Variants in RRP15 observed in about 807,000 individuals in gnomAD.
The protein encoded by RRP15 is ribosomal RNA processing 15 homolog.
In RRP15, 18 loss-of-function variants were observed where a neutral mutation model predicts 27.1. The ratio of observed to expected loss-of-function variants is 0.66; its 90% CI spans 0.46 to 0.98. The LOEUF is 0.98. Among genes scored for constraint, RRP15 ranks in the 50% least tolerant of loss-of-function variants. RRP15 has a pLI of 0.00. For missense variants in RRP15, 359 were observed against 337.8 expected, an observed-to-expected ratio of 1.06 and a Z score of -0.49; for synonymous variants, 107 against 109.4, an observed-to-expected ratio of 0.98 and a Z score of 0.14.
Position 218,302,402 on chromosome 1 carries a change from A to G in RRP15, c.248A>G (p.Glu83Gly). The change falls in exon 2 of 5, where the codon GAA becomes GGA. Residue 83 changes from glutamate to glycine, a missense_variant. Glu to Gly is a moderately conservative substitution (Grantham distance 98). Coordinates refer to ENST00000366932, the MANE Select transcript of RRP15 (RefSeq NM_016052.4). Reference protein sequence around the residue: ...PCDKENENDGESSVGTNMGWA... With the variant: ...PCDKENENDGGSSVGTNMGWA... ...GACAAAGAAAATGAAAATGATGGAGAATCAAGTGTTGGGACTAATATGGGC... is the reference window on the plus strand; with the variant it reads ...GACAAAGAAAATGAAAATGATGGAGGATCAAGTGTTGGGACTAATATGGGC... The G allele has an allele frequency of 6.2e-7, 1 of 1,614,066 alleles. No individual in the cohort carries two copies. Among genetic ancestry groups the G allele is most frequent in the South Asian group, 1.1e-5 (1 of 91,070 alleles).
At chr1:218,320,797 A>AACTACAAT (rs1656176048) in intron 4 of RRP15, among the ~76,000 whole-genome samples, 2 of 152,188 alleles carry the variant, frequency 1.3e-5, no homozygotes, top group Non-Finnish European at 2.9e-5. Flanking sequence ...TCCATAAAGT[A>AACTACAAT]TGTTTTTAAC....
At chr1:218,285,526 G>T in intron 1 of RRP15, 71 bp downstream of exon 1, 1 of 1,594,866 alleles carries the variant, frequency 6.3e-7, no homozygotes, top group Non-Finnish European at 8.5e-7. Context: ...AGCAGCGCTT[G>T]CGACTTCATT....
intron 4 of RRP15, among the ~76,000 whole-genome samples, chr1:218,326,269 G>T (rs1301708307): frequency 6.6e-6 from 1 of 152,192 alleles, no homozygotes; most frequent in Non-Finnish European, 1.5e-5. Flanking sequence ...ATGCACCATT[G>T]CACTCCAGCC....
At chr1:218,295,136 C>T (rs572598865) in intron 1 of RRP15, among the ~76,000 whole-genome samples, 8 of 152,264 alleles carry the variant, frequency 5.3e-5, no homozygotes, top group South Asian at 2.1e-4. Context: ...GAAAAACAGT[C>T]TTCCTAGTCA....
At chr1:218,294,013 T>C (rs1195141198) in intron 1 of RRP15, among the ~76,000 whole-genome samples, 3 of 152,130 alleles carry the variant, frequency 2.0e-5, no homozygotes, top group Non-Finnish European at 4.4e-5. Flanking sequence ...ATGACTAAGA[T>C]TGAATTTTTG....
intron 4 of RRP15, among the ~76,000 whole-genome samples, chr1:218,323,753 GGAGGGGGCC>G (rs1480006950): frequency 2.6e-5 from 4 of 152,182 alleles, no homozygotes; most frequent in Non-Finnish European, 4.4e-5. Context: ...CCCAAAGTCC[GGAGGGGGCC>G]AAGGGGGCAG....
In RRP15 at chr1:218,305,085, G is replaced by A. The variant is rs1305743910; in HGVS notation, c.463G>A (p.Asp155Asn). The change falls in exon 3 of 5, where the codon GAC becomes AAC. Residue 155 changes from aspartate (D) to asparagine (N), a missense_variant. Transcript: ENST00000366932. ...MCRVKPDVVQ[D>N]KETERNLQRI... ...CAGAGTAAAGCCAGATGTTGTCCAA[G>A]ACAAAGAGACAGAGAGAAATCTTCA... The A allele has an allele frequency of 1.2e-6, 2 of 1,613,772 alleles. No homozygotes were observed. Among genetic ancestry groups the A allele is most frequent in the African/African-American group, 2.7e-5 (2 of 74,904 alleles).
intron 4 of RRP15, among the ~76,000 whole-genome samples, chr1:218,315,437 G>C (rs185193165): frequency 6.6e-6 from 1 of 151,768 alleles, no homozygotes; most frequent in African/African-American, 2.4e-5. Flanking sequence ...ATTTACTTTT[G>C]GTTTTTCTAA....
At chr1:218,318,015 G>A (rs1034554173) in intron 4 of RRP15, among the ~76,000 whole-genome samples, 5 of 151,906 alleles carry the variant, frequency 3.3e-5, no homozygotes, top group African/African-American at 7.3e-5. Context: ...GATTACAGGC[G>A]TGAACTCCCA....
At chr1:218,298,423 C>T (rs1655756406) in intron 1 of RRP15, among the ~76,000 whole-genome samples, 1 of 152,064 alleles carries the variant, frequency 6.6e-6, no homozygotes, top group African/African-American at 2.4e-5. Flanking sequence ...GGAGAGAAAC[C>T]TAGATTTAGA....
In RRP15 at chr1:218,336,842, A is replaced by T. The variant is rs571045482; in HGVS notation, c.*5751A>T. On this transcript the variant is annotated 3_prime_UTR_variant, in exon 5 of 5. Transcript: ENST00000366932. ...ACAAATGCCAGGAACACCAGGGTAG[A>T]TTGCATGAGACATGACTGCCGTATC... The T allele has an allele frequency of 6.6e-6, 1 of 152,340 alleles. No homozygotes were observed. The highest frequency in any genetic ancestry group is 1.9e-4 in the East Asian group (1 of 5,184). 9.4% of individuals were successfully genotyped at this position (152,340 alleles called of 1,614,324 possible). A position where few individuals can be genotyped will look rare whatever the true frequency, so the allele number is the denominator to read the frequency against.
chr1:218,288,842 A>G (rs1026634828), intron 1 of RRP15, among the ~76,000 whole-genome samples: 1 of 152,188 alleles, frequency 6.6e-6, no homozygotes, highest in South Asian at 2.1e-4. Flanking sequence ...AGCACTTCCA[A>G]TGTTTATAAC....
chr1:218,331,193 C>A lies in RRP15; in HGVS notation c.*102C>A. ...ATAAGGATACCATTTGTAAGAAAGC[C>A]AAAAGACTTTTGCCAGATTTCATAT... On this transcript the variant is annotated 3_prime_UTR_variant, in exon 5 of 5. Coordinates refer to ENST00000366932, the MANE Select transcript of RRP15 (RefSeq NM_016052.4). 8.8e-7 allele frequency: 1 copy of A among 1,132,288 alleles called. No homozygotes were observed. Among genetic ancestry groups the A allele is most frequent in the Non-Finnish European group, 1.2e-6 (1 of 822,864 alleles). 70.1% of individuals were successfully genotyped at this position (1,132,288 alleles called of 1,614,324 possible).
intron 4 of RRP15, among the ~76,000 whole-genome samples, chr1:218,320,047 C>CTTT (rs140693389): frequency 7.2e-6 from 1 of 139,294 alleles, no homozygotes; most frequent in African/African-American, 2.7e-5. Context: ...TGTTTTATTT[C>CTTT]TTTTTTTTTC....
At chr1:218,290,807 C>T (rs1184508217) in intron 1 of RRP15, among the ~76,000 whole-genome samples, 1 of 152,164 alleles carries the variant, frequency 6.6e-6, no homozygotes, top group Non-Finnish European at 1.5e-5. Flanking sequence ...AAGAGCTCCA[C>T]TTGAAATGGT....
At chr1:218,287,669 T>A (rs761383718) in intron 1 of RRP15, among the ~76,000 whole-genome samples, 1 of 151,796 alleles carries the variant, frequency 6.6e-6, no homozygotes, top group Non-Finnish European at 1.5e-5. Context: ...GAAATTCATA[T>A]CCTCTGGAAC....
intron 1 of RRP15, among the ~76,000 whole-genome samples, chr1:218,293,818 T>G (rs1257082177): frequency 1.3e-5 from 2 of 152,186 alleles, no homozygotes; most frequent in Admixed American, 1.3e-4. Flanking sequence ...CTTGTTACTG[T>G]GAGGACAGCT....
intron 4 of RRP15, among the ~76,000 whole-genome samples, chr1:218,311,999 A>G (rs918488789): frequency 1.3e-5 from 2 of 152,182 alleles, no homozygotes; most frequent in African/African-American, 4.8e-5. Flanking sequence ...AATAGGTGGG[A>G]GTGATGTGGC....
intron 4 of RRP15, among the ~76,000 whole-genome samples, chr1:218,313,081 T>C (rs570002403): frequency 6.6e-6 from 1 of 152,328 alleles, no homozygotes; most frequent in Admixed American, 6.5e-5. Context: ...TATTTCAGCT[T>C]TTATTTTAGA....
Sources: allele counts gnomAD v4.1 joint callset (sites outside exome capture counted in the v4.1 genomes callset), GRCh38; gene constraint gnomAD v4.1.1; transcripts MANE v1.5; gene names NCBI Gene and HGNC (gene_info 2026-07-23, HGNC 2026-07-21).